Variants in ERC1 observed in about 807,000 individuals in gnomAD.
ERC1 encodes ELKS/RAB6-interacting/CAST family member 1.
Under a neutral mutation model 132.0 loss-of-function variants are expected in ERC1, and 56 were observed. The ratio of observed to expected loss-of-function variants is 0.42; its 90% confidence interval spans 0.34 to 0.53. ERC1 has a LOEUF of 0.53. Among genes scored for constraint, ERC1 ranks in the 20% least tolerant of loss-of-function variants. The pLI is 0.03. For missense variants in ERC1, 1,202 were observed against 1,349.9 expected (o/e 0.89, Z 1.72); for synonymous variants, 478 against 476.1 (o/e 1.00, Z -0.05).
chr12:1,213,088 G>A (rs1411266469), intron 12 of ERC1, among the ~76,000 whole-genome samples: 1 of 152,126 alleles, frequency 6.6e-6, no homozygotes, highest in Non-Finnish European at 1.5e-5. Flanking sequence ...TGTGAGGTTA[G>A]TCTTCTTCAC....
chr12:1,328,256 C>T (rs1248932466), intron 15 of ERC1, among the ~76,000 whole-genome samples: 1 of 152,110 alleles, frequency 6.6e-6, no homozygotes, highest in East Asian at 1.9e-4. Flanking sequence ...AAGGAATCCT[C>T]CTGCCTCAGC....
At chr12:1,125,021 T>A (rs2154228872) in intron 7 of ERC1, among the ~76,000 whole-genome samples, 1 of 151,940 alleles carries the variant, frequency 6.6e-6, no homozygotes, top group East Asian at 1.9e-4. Context: ...TGGAGACAGA[T>A]TCTTGCTCTT....
chr12:1,138,009 T>C (rs945382373), intron 7 of ERC1, among the ~76,000 whole-genome samples: 17 of 126,718 alleles, frequency 1.3e-4, no homozygotes, highest in South Asian at 4.8e-4. Flanking sequence ...AATATATAAA[T>C]GTGTAAATGT....
At chr12:1,260,007 A>T (rs565651348) in intron 13 of ERC1, among the ~76,000 whole-genome samples, 2 of 152,238 alleles carry the variant, frequency 1.3e-5, no homozygotes, top group African/African-American at 4.8e-5. Context: ...AGGTTGTGTC[A>T]TGCTTGTGGT....
At chr12:1,363,545 T>A (rs1051516794) in intron 15 of ERC1, among the ~76,000 whole-genome samples, 1 of 50,922 alleles carries the variant, frequency 2.0e-5, no homozygotes, top group Non-Finnish European at 3.6e-5. Flanking sequence ...TTTCTTTCCT[T>A]TTTTTTTTTT....
intron 1 of ERC1, among the ~76,000 whole-genome samples, chr12:1,004,776 ACTTT>A (rs1963218901): frequency 6.8e-6 from 1 of 146,674 alleles, no homozygotes; most frequent in Admixed American, 6.8e-5. Flanking sequence ...GCTGTTGATG[ACTTT>A]CTTTTCTCTG....
At chr12:1,158,977 A>G (rs913565121) in intron 8 of ERC1, among the ~76,000 whole-genome samples, 2 of 152,214 alleles carry the variant, frequency 1.3e-5, no homozygotes, top group African/African-American at 2.4e-5. Flanking sequence ...GTTGAAGTTC[A>G]TTGGCATATC....
chr12:1,493,946 T>G lies in ERC1; in HGVS notation c.*3716T>G, dbSNP rs936110515. The G allele has an allele frequency of 2.2e-5, 5 of 232,116 alleles. No homozygotes were observed. The highest frequency in any genetic ancestry group is 6.1e-5 in the East Asian group (1 of 16,432). The allele number at this position is 232,116 out of a possible 1,614,324, so 14.4% of individuals were successfully genotyped here. A position where few individuals can be genotyped will look rare whatever the true frequency, so the allele number is the denominator to read the frequency against. Reference sequence around the variant, plus strand: ...CATGTGTCACCCCAAAATATAAATGTTTCTGAGCCGCCCATCCACTGGCAT... The same window carrying G: ...CATGTGTCACCCCAAAATATAAATGGTTCTGAGCCGCCCATCCACTGGCAT... On this transcript the variant is annotated 3_prime_UTR_variant, in exon 19 of 19. Transcript: ENST00000360905.
chr12:1,297,139 G>C (rs751201909), intron 15 of ERC1, among the ~76,000 whole-genome samples: 2 of 150,908 alleles, frequency 1.3e-5, no homozygotes, highest in Non-Finnish European at 2.9e-5. Flanking sequence ...AACTATGATA[G>C]CTGAGTCCTT....
intron 15 of ERC1, among the ~76,000 whole-genome samples, chr12:1,335,950 G>A (rs1445791681): frequency 6.6e-6 from 1 of 152,026 alleles, no homozygotes; most frequent in African/African-American, 2.4e-5. Context: ...AGTTCATTAT[G>A]GGCCTGTTCA....
At chr12:1,201,226 G>T (rs888539462) in intron 12 of ERC1, among the ~76,000 whole-genome samples, 6 of 152,158 alleles carry the variant, frequency 3.9e-5, no homozygotes, top group African/African-American at 1.4e-4. Context: ...CTGAAATTGG[G>T]ATACACGTAC....
chr12:1,361,045 C>T (rs2086045630), intron 15 of ERC1, among the ~76,000 whole-genome samples: 1 of 145,956 alleles, frequency 6.9e-6, no homozygotes, highest in East Asian at 2.0e-4. Context: ...CAGTTGTTGG[C>T]TATGATCTCA....
At chr12:1,068,434 C>T (rs73035126) in intron 2 of ERC1, among the ~76,000 whole-genome samples, 1,770 of 126,336 alleles carry the variant, frequency 0.014, no homozygotes, top group Non-Finnish European at 0.017. Context: ...TCTCTTCTGG[C>T]CCTTTCTTAT....
chr12:1,204,216 T>G (rs1028696988), intron 12 of ERC1: 19 of 283,636 alleles, frequency 6.7e-5, no homozygotes, highest in Non-Finnish European at 1.1e-4. Context: ...TAAGAAATTG[T>G]TTTTTTTTTC....
At chr12:1,114,675 A>G (rs1946262416) in intron 6 of ERC1, among the ~76,000 whole-genome samples, 1 of 141,640 alleles carries the variant, frequency 7.1e-6, no homozygotes, top group Non-Finnish European at 1.6e-5. Flanking sequence ...TCTTGGGTAC[A>G]TACTATTTTG....
chr12:1,404,058 A>T (rs943880308), intron 16 of ERC1, among the ~76,000 whole-genome samples: 2 of 152,236 alleles, frequency 1.3e-5, no homozygotes, highest in African/African-American at 4.8e-5. Flanking sequence ...GTCTTAGTCC[A>T]TTCAGACTGC....
chr12:1,414,888 A>C (rs1474581640), intron 17 of ERC1, among the ~76,000 whole-genome samples: 1 of 152,176 alleles, frequency 6.6e-6, no homozygotes, highest in Admixed American at 6.5e-5. Flanking sequence ...TTAACTACTG[A>C]ATTCACAAAA....
intron 13 of ERC1, among the ~76,000 whole-genome samples, chr12:1,240,701 G>GTA (rs1404935109): frequency 6.6e-6 from 1 of 151,822 alleles, no homozygotes; most frequent in Non-Finnish European, 1.5e-5. Flanking sequence ...AGCTTTGGTC[G>GTA]TATACCTTTG....
intron 8 of ERC1, among the ~76,000 whole-genome samples, chr12:1,146,480 G>C (rs1345800702): frequency 1.3e-5 from 2 of 151,670 alleles, no homozygotes; most frequent in African/African-American, 2.4e-5. Context: ...GCTTTTGGAT[G>C]AGTCTTTAGG....
Sources: allele counts gnomAD v4.1 joint callset (sites outside exome capture counted in the v4.1 genomes callset), GRCh38; gene constraint gnomAD v4.1.1; transcripts MANE v1.5; gene names NCBI Gene and HGNC (gene_info 2026-07-23, HGNC 2026-07-21).